RANBP2: variants seen among roughly 807,000 people sequenced by gnomAD.
The protein encoded by RANBP2 is RAN binding protein 2.
RANBP2 carries 57 observed loss-of-function variants against 303.6 expected under a neutral mutation model. The ratio of observed to expected loss-of-function variants is 0.19; its 90% CI spans 0.15 to 0.23. The LOEUF (loss-of-function observed/expected upper bound fraction) is 0.23, where lower values mean the gene tolerates loss of function less well. RANBP2 is among the 10% of genes least tolerant of loss of function. The pLI is 1.00. For missense variants in RANBP2, 3,138 were observed against 3,780.8 expected (o/e 0.83, Z 4.46); for synonymous variants, 1,167 against 1,301.5 (o/e 0.90, Z 2.23).
At chr2:109,564,217 G>A in the RANBP2 span, 2 of 661,532 alleles carry the variant, frequency 3.0e-6, no homozygotes, top group Non-Finnish European at 4.4e-6. Flanking sequence ...AGTGATTCAA[G>A]AAGCACAATA....
At chr2:109,571,946 C>T in the RANBP2 span, among the ~76,000 whole-genome samples, 22 of 152,170 alleles carry the variant, frequency 1.4e-4, no homozygotes, top group Non-Finnish European at 2.2e-4. Context: ...TGGCCAGTTA[C>T]CTCAAATACC....
chr2:109,381,864 A>T, the RANBP2 span, among the ~76,000 whole-genome samples: 2 of 152,098 alleles, frequency 1.3e-5, no homozygotes, highest in Non-Finnish European at 2.9e-5. Context: ...AAAGCTGTGC[A>T]TGTTTATAAG....
chr2:108,853,726 A>G, the RANBP2 span, among the ~76,000 whole-genome samples: 3 of 147,646 alleles, frequency 2.0e-5, no homozygotes, highest in African/African-American at 7.5e-5. Context: ...AGCTCTTGCC[A>G]TGTTGCCCAA....
chr2:109,320,901 C>T, the RANBP2 span, among the ~76,000 whole-genome samples: 1 of 152,202 alleles, frequency 6.6e-6, no homozygotes. Context: ...CCTGGGTTAA[C>T]CTTCTGAACC....
chr2:109,426,976 A>AT, the RANBP2 span, among the ~76,000 whole-genome samples: 7 of 108,072 alleles, frequency 6.5e-5, no homozygotes, highest in African/African-American at 2.8e-4. Flanking sequence ...ATATATATAT[A>AT]TATTTTTTTT....
chr2:108,774,603 G>T (rs1677743533), intron 23 of RANBP2, among the ~76,000 whole-genome samples: 1 of 152,082 alleles, frequency 6.6e-6, no homozygotes, highest in African/African-American at 2.4e-5. Context: ...TTTTACCAAT[G>T]AAACCACGTC....
At chr2:109,514,556 C>G in the RANBP2 span, among the ~76,000 whole-genome samples, 2 of 152,174 alleles carry the variant, frequency 1.3e-5, no homozygotes, top group African/African-American at 4.8e-5. Context: ...CAGGGAAGCC[C>G]TGGTGTGGGA....
the RANBP2 span, among the ~76,000 whole-genome samples, chr2:109,388,661 C>G: frequency 2.6e-5 from 4 of 152,210 alleles, no homozygotes; most frequent in Non-Finnish European, 4.4e-5. Context: ...AGGTGTTTAT[C>G]GAGCATGTAC....
At chr2:109,159,450 G>A in the RANBP2 span, among the ~76,000 whole-genome samples, 7 of 152,346 alleles carry the variant, frequency 4.6e-5, no homozygotes, top group East Asian at 5.8e-4. Flanking sequence ...GCATTACTGT[G>A]GATTTTAGTG....
chr2:109,535,234 C>T, the RANBP2 span, among the ~76,000 whole-genome samples: 2 of 152,162 alleles, frequency 1.3e-5, no homozygotes, highest in Admixed American at 1.3e-4. Flanking sequence ...CTCCCTTTAT[C>T]CCTCCTTTAT....
the RANBP2 span, among the ~76,000 whole-genome samples, chr2:109,725,517 C>T: frequency 1.3e-5 from 2 of 152,170 alleles, no homozygotes; most frequent in Non-Finnish European, 2.9e-5. Context: ...GCATTTCTTG[C>T]TGCTCTCATG....
At chr2:108,857,370 A>G in the RANBP2 span, among the ~76,000 whole-genome samples, 1 of 151,994 alleles carries the variant, frequency 6.6e-6, no homozygotes, top group East Asian at 1.9e-4. Context: ...CGCCCGGACT[A>G]TTGCATTTTT....
At chr2:109,766,552 T>C in the RANBP2 span, among the ~76,000 whole-genome samples, 1 of 150,612 alleles carries the variant, frequency 6.6e-6, no homozygotes, top group Non-Finnish European at 1.5e-5. Flanking sequence ...GATTCCTTCC[T>C]GTGTTCCAGA....
At chr2:109,075,579 C>CAAAAAAAAAAA in the RANBP2 span, among the ~76,000 whole-genome samples, 3 of 109,684 alleles carry the variant, frequency 2.7e-5, no homozygotes, top group Admixed American at 2.0e-4. Context: ...CTTAGACAAA[C>CAAAAAAAAAAA]AAAAAAAAAA....
the RANBP2 span, among the ~76,000 whole-genome samples, chr2:109,541,650 G>A: frequency 6.6e-6 from 1 of 152,202 alleles, no homozygotes; most frequent in African/African-American, 2.4e-5. Context: ...CTGGTACTCT[G>A]ATGGTGCTCA....
the RANBP2 span, among the ~76,000 whole-genome samples, chr2:109,555,080 T>G: frequency 3.3e-5 from 5 of 152,214 alleles, no homozygotes; most frequent in African/African-American, 1.2e-4. Context: ...CTAATTCATC[T>G]CTGAGCTTCT....
At chr2:109,223,467 G>T in the RANBP2 span, among the ~76,000 whole-genome samples, 1 of 152,262 alleles carries the variant, frequency 6.6e-6, no homozygotes, top group Non-Finnish European at 1.5e-5. Context: ...CCCTTTGGGA[G>T]TGGGCATGGC....
chr2:109,107,745 T>C, the RANBP2 span, among the ~76,000 whole-genome samples: 1 of 152,182 alleles, frequency 6.6e-6, no homozygotes, highest in Non-Finnish European at 1.5e-5. Flanking sequence ...GCAACTTTTT[T>C]TTTCTTTTTT....
At chr2:108,908,091 G>T in the RANBP2 span, 1 of 1,495,438 alleles carries the variant, frequency 6.7e-7, no homozygotes, top group Non-Finnish European at 9.0e-7. Flanking sequence ...CTCCTGTGGT[G>T]AACTTGTCCA....
Sources: allele counts gnomAD v4.1 joint callset (sites outside exome capture counted in the v4.1 genomes callset), GRCh38; gene constraint gnomAD v4.1.1; transcripts MANE v1.5; gene names NCBI Gene and HGNC (gene_info 2026-07-23, HGNC 2026-07-21).